The following PDLIM3 variants were observed in gnomAD, a reference collection of about 807,000 sequenced individuals.
PDLIM3 encodes PDZ and LIM domain 3.
In PDLIM3, 36 loss-of-function variants were observed where a neutral mutation model predicts 37.3. The ratio of observed to expected loss-of-function variants is 0.97; its 90% CI spans 0.74 to 1.28. The LOEUF is 1.28. Ranked by LOEUF, PDLIM3 falls within the 50% of genes most tolerant of loss-of-function variation. The pLI, the probability that PDLIM3 is intolerant of heterozygous loss-of-function variation, is 0.00. For missense variants in PDLIM3, 454 were observed against 485.0 expected (o/e 0.94, Z 0.60); for synonymous variants, 174 against 182.4 (o/e 0.95, Z 0.37).
chr4:185,511,592 C>T (rs1290650697), intron 4 of PDLIM3, among the ~76,000 whole-genome samples: 2 of 152,174 alleles, frequency 1.3e-5, no homozygotes. Flanking sequence ...AACTCCTGAT[C>T]TCAGGTGATC....
intron 3 of PDLIM3, chr4:185,517,823 T>C (rs142422471): frequency 6.2e-4 from 95 of 152,258 alleles, no homozygotes; most frequent in African/African-American, 2.1e-3. Flanking sequence ...CACAATGAAG[T>C]GTATACACCA....
At chr4:185,513,155 A>G (rs2095709266) in intron 4 of PDLIM3, 2 of 983,606 alleles carry the variant, frequency 2.0e-6, no homozygotes, top group African/African-American at 3.5e-5. Context: ...GCCCCTGCAG[A>G]CACTGAGCTC....
intron 1 of PDLIM3, among the ~76,000 whole-genome samples, chr4:185,529,965 T>C (rs565949957): frequency 9.1e-4 from 139 of 152,328 alleles, no homozygotes; most frequent in African/African-American, 3.2e-3. Context: ...TCTTTGACCA[T>C]ACTTTTCTTG....
At chr4:185,512,270 A>C (rs546739039) in intron 4 of PDLIM3, 1 of 152,140 alleles carries the variant, frequency 6.6e-6, no homozygotes, top group African/African-American at 2.4e-5. Context: ...TTTGGTAGAC[A>C]TGGGGTTACA....
At position 185,514,508 on chromosome 4, in the gene PDLIM3, C is replaced by G. The variant is rs1425691476; in HGVS notation, c.331-171G>C. On this transcript the variant is annotated intron_variant, in intron 3 of 7. Transcript: ENST00000284767. This position sits in a 1 kb window ranked among gnomAD's most constrained non-coding sequence, Gnocchi z 4.0. Reference sequence around the variant, plus strand: ...TGTCTTCTTTCCAACCATCTATCCGCTAAACGGTCAGGCACTGGCGGATTG... The same window carrying G: ...TGTCTTCTTTCCAACCATCTATCCGGTAAACGGTCAGGCACTGGCGGATTG... The G allele has an allele frequency of 7.0e-7, 1 of 1,424,398 alleles. No individual in the cohort carries two copies. Among genetic ancestry groups the G allele is most frequent in the East Asian group, 2.5e-5 (1 of 40,612 alleles). The allele number at this position is 1,424,398 out of a possible 1,614,324, so 88.2% of individuals were successfully genotyped here.
rs922888332 is a variant in PDLIM3 at position 185,523,525 on chromosome 4, T to C, written c.246-79A>G. On this transcript the variant is annotated intron_variant, in intron 2 of 7. Transcript: ENST00000284767. Reference sequence around the variant, plus strand: ...TAGCATACTTTAGTTTCCCATTATGTTTGTGAAAATACTAGCAAACCTCAC... The same window carrying C: ...TAGCATACTTTAGTTTCCCATTATGCTTGTGAAAATACTAGCAAACCTCAC... 8.8e-6 allele frequency: 8 copies of C among 907,148 alleles called. No individual in the cohort carries two copies. The African/African-American group carries it at 1.3e-4, about 15-fold the overall frequency. The allele number at this position is 907,148 out of a possible 1,614,324, so 56.2% of individuals were successfully genotyped here.
chr4:185,512,818 T>C, intron 4 of PDLIM3: 1 of 982,290 alleles, frequency 1.0e-6, no homozygotes, highest in South Asian at 4.7e-5. Context: ...TTAAATCCAG[T>C]GTTTTGTTAT....
chr4:185,502,338 G>A lies in PDLIM3; in HGVS notation c.1051C>T (p.Pro351Ser). Residue 351 changes from proline to serine, a missense_variant, in exon 8 of 8, where the codon CCC becomes TCC. Transcript: ENST00000284767. ...GTGACCGTGTCATAGCCCTCTGGGG[G>A]CTTTGTGCGGGCTCTTGCGTGGGTT... ...CETHARARTK[P>S]PEGYDTVTLY... 1 of 1,614,220 alleles carries A rather than the reference G, an allele frequency of 6.2e-7. No individual in the cohort carries two copies. Among genetic ancestry groups the A allele is most frequent in the East Asian group, 2.2e-5 (1 of 44,878 alleles).
At chr4:185,525,697 T>TG (rs1475144808) in intron 1 of PDLIM3, among the ~76,000 whole-genome samples, 1 of 152,096 alleles carries the variant, frequency 6.6e-6, no homozygotes, top group East Asian at 1.9e-4. Flanking sequence ...GAGGGACTTT[T>TG]GGGGGGTAAT....
chr4:185,509,148 A>G (rs1290425302), intron 4 of PDLIM3, among the ~76,000 whole-genome samples: 8 of 152,232 alleles, frequency 5.3e-5, no homozygotes, highest in Non-Finnish European at 8.8e-5. Context: ...TTTATGGTAC[A>G]GATTATGTTT....
intron 4 of PDLIM3, among the ~76,000 whole-genome samples, chr4:185,511,920 A>C (rs1386041359): frequency 2.6e-5 from 4 of 152,096 alleles, no homozygotes; most frequent in Non-Finnish European, 5.9e-5. Context: ...ACCCGAAAAA[A>C]ACTACATTTG....
intron 1 of PDLIM3, among the ~76,000 whole-genome samples, chr4:185,526,765 C>T (rs2095734923): frequency 2.0e-5 from 3 of 152,146 alleles, no homozygotes; most frequent in Admixed American, 1.3e-4. Flanking sequence ...GTAGGCCAAG[C>T]TTGTGCCCTT....
At position 185,502,179 on chromosome 4, in the gene PDLIM3, T is replaced by TA. The variant is rs2095688051; in HGVS notation, c.*114_*115insT. On this transcript the variant is annotated 3_prime_UTR_variant, in exon 8 of 8. Coordinates refer to ENST00000284767, the MANE Select transcript of PDLIM3 (RefSeq NM_014476.6). ...ACAATAGGATAAAGGTCTAAAGCCTTGACTTTAGATTTGGAGTTGACAATC... is the reference window on the plus strand; with the variant it reads ...ACAATAGGATAAAGGTCTAAAGCCTTAGACTTTAGATTTGGAGTTGACAATC... 9.4e-7 allele frequency: 1 copy of TA among 1,068,644 alleles called. No homozygotes were observed. Among genetic ancestry groups the TA allele is most frequent in the African/African-American group, 1.9e-5 (1 of 53,678 alleles). The allele number at this position is 1,068,644 out of a possible 1,614,324, so 66.2% of individuals were successfully genotyped here.
intron 4 of PDLIM3, chr4:185,512,562 G>T: frequency 1.6e-6 from 1 of 637,474 alleles, no homozygotes; most frequent in Non-Finnish European, 2.0e-6. Flanking sequence ...TTTTTTAAAA[G>T]GTGATTATAT....
At chr4:185,523,722 G>A (rs1474542665) in intron 2 of PDLIM3, among the ~76,000 whole-genome samples, 6 of 150,380 alleles carry the variant, frequency 4.0e-5, no homozygotes, top group South Asian at 2.2e-4. Flanking sequence ...GGGTCCAAGC[G>A]ATTCTCCTCC....
intron 1 of PDLIM3, among the ~76,000 whole-genome samples, chr4:185,528,539 A>G (rs1244631608): frequency 2.0e-5 from 3 of 152,248 alleles, no homozygotes; most frequent in Non-Finnish European, 4.4e-5. Context: ...TCTCTAAGAC[A>G]GGCTGGACAA....
rs775371957 is a variant in PDLIM3 at position 185,502,480 on chromosome 4, A to G, written c.909T>C (p.Gly303=). The G allele has an allele frequency of 6.2e-7, 1 of 1,613,996 alleles. No individual in the cohort carries two copies. Residue 303 remains glycine (G), a synonymous_variant, in exon 8 of 8, where the codon GGT becomes GGC. Transcript: ENST00000284767. ...LCDKCGSGIV[G]AVVKARDKYR... The stretch of plus-strand genomic sequence containing the variant: ...ACTTATCCCGCGCCTTCACCACAGC[A>G]CCGCTGTTGGGGAAGAAAACGAGCT...
At chr4:185,528,575 G>A (rs947349992) in intron 1 of PDLIM3, among the ~76,000 whole-genome samples, 3 of 152,154 alleles carry the variant, frequency 2.0e-5, no homozygotes, top group Non-Finnish European at 2.9e-5. Flanking sequence ...GCTTTCAGAG[G>A]AGAAGAGGTG....
At chr4:185,511,501 C>T (rs1044088306) in intron 4 of PDLIM3, among the ~76,000 whole-genome samples, 2 of 152,092 alleles carry the variant, frequency 1.3e-5, no homozygotes, top group Non-Finnish European at 2.9e-5. Flanking sequence ...GCTGCAATTA[C>T]AGGCATGTGC....
Sources: gnomAD v4.1 joint callset for allele counts (sites outside exome capture counted in the v4.1 genomes callset) on GRCh38, gnomAD v4.1.1 for gene constraint, Gnocchi (gnomAD v3.1) non-coding constraint, MANE v1.5 for transcripts, NCBI Gene and HGNC (gene_info 2026-07-23, HGNC 2026-07-21) for gene names.